Variants in SMAD5 observed in about 807,000 individuals in gnomAD.
SMAD5 encodes MAD, mothers against decapentaplegic homolog 5.
Under a neutral mutation model 43.1 loss-of-function variants are expected in SMAD5, and 9 were observed. The ratio of observed to expected loss-of-function variants is 0.21; its 90% CI spans 0.13 to 0.36. The LOEUF is 0.36. Among genes scored for constraint, SMAD5 ranks in the 10% least tolerant of loss-of-function variants. The pLI, the probability that SMAD5 is intolerant of heterozygous loss-of-function variation, is 1.00. For missense variants in SMAD5, 348 were observed against 574.0 expected (o/e 0.61, Z 4.02); for synonymous variants, 190 against 192.4 (o/e 0.99, Z 0.10).
At position 136,172,603 on chromosome 5, in the gene SMAD5, A is replaced by C. The variant is rs374065440; in HGVS notation, c.945A>C (p.Ser315=). The C allele has an allele frequency of 5.4e-5, 87 of 1,613,376 alleles. No homozygotes were observed. The African/African-American group carries it at 1.0e-3, about 19-fold the overall frequency. Residue 315 remains serine (S), a synonymous_variant, in exon 6 of 8, where the codon TCA becomes TCC. Transcript: ENST00000545279. ...NKSRFCLGLL[S]NVNRNSTIEN... ...GTAGATTCTGCTTGGGTTTGTTGTC[A>C]AATGTTAATCGTAATTCGACAATTG...
chr5:136,160,800 G>T, intron 3 of SMAD5, 56 bp from the exon 4 acceptor site: 3 of 1,578,966 alleles, frequency 1.9e-6, no homozygotes, highest in Non-Finnish European at 2.6e-6. Flanking sequence ...CCTTAGTGTG[G>T]ATGGGGCATT....
chr5:136,156,055 G>A (rs571868404), intron 3 of SMAD5, among the ~76,000 whole-genome samples: 6 of 152,276 alleles, frequency 3.9e-5, no homozygotes, highest in Middle Eastern at 3.4e-3. Context: ...TTTGCAAGGC[G>A]CTGTAATCAA....
chr5:136,163,307 G>C lies in SMAD5; in HGVS notation c.691G>C (p.Asp231His). Residue 231 changes from aspartate (D) to histidine (H), a missense_variant, in exon 5 of 8, where the codon GAT becomes CAT. Around this residue, in one of 5 missense-constraint regions of SMAD5, gnomAD observed 185 missense variants for 207.0 expected, o/e 0.89. Transcript: ENST00000545279. ...TCCTCCTGCCTATATGCCACCTGAT[G>C]ATCAGATGGGTCAAGATAATTCCCA... The part of the protein sequence containing the change: ...TPPPAYMPPD[D>H]QMGQDNSQPM... 1 of 1,608,034 alleles carries C rather than the reference G, an allele frequency of 6.2e-7. No homozygotes were observed. Among genetic ancestry groups the C allele is most frequent in the Non-Finnish European group, 8.5e-7 (1 of 1,175,298 alleles).
chr5:136,168,756 C>A (rs1754108596), intron 5 of SMAD5, among the ~76,000 whole-genome samples: 1 of 152,218 alleles, frequency 6.6e-6, no homozygotes, highest in Non-Finnish European at 1.5e-5. Context: ...AACCACTGAT[C>A]TTTTTACTGT....
intron 5 of SMAD5, among the ~76,000 whole-genome samples, chr5:136,171,246 A>G (rs981006642): frequency 1.3e-5 from 2 of 152,182 alleles, no homozygotes; most frequent in African/African-American, 2.4e-5. Context: ...TTAGTTTTTT[A>G]GTTTAACTTT....
intron 4 of SMAD5, among the ~76,000 whole-genome samples, chr5:136,161,629 G>A (rs1029802092): frequency 6.6e-6 from 1 of 152,138 alleles, no homozygotes; most frequent in Non-Finnish European, 1.5e-5. Flanking sequence ...ATGAATCCTG[G>A]TTATCTTTAG....
intron 3 of SMAD5, among the ~76,000 whole-genome samples, chr5:136,155,213 G>GT (rs1391524978): frequency 6.6e-6 from 1 of 151,754 alleles, no homozygotes; most frequent in Non-Finnish European, 1.5e-5. Flanking sequence ...TTTTTCTCTG[G>GT]TTTCCCCTAT....
At chr5:136,145,975 G>A (rs1753243970) in intron 1 of SMAD5, among the ~76,000 whole-genome samples, 1 of 151,728 alleles carries the variant, frequency 6.6e-6, no homozygotes, top group Admixed American at 6.6e-5. Context: ...TTCTTTTAGC[G>A]ACCTTTATAT....
chr5:136,153,541 G>C (rs1300056080), intron 2 of SMAD5, 51 bp from the exon 3 acceptor site: 1 of 419,448 alleles, frequency 2.4e-6, no homozygotes, highest in Non-Finnish European at 4.2e-6. Context: ...ATTTAAATTT[G>C]TATATATTGA....
chr5:136,138,356 C>T (rs1268980937), intron 1 of SMAD5, among the ~76,000 whole-genome samples: 2 of 152,202 alleles, frequency 1.3e-5, no homozygotes, highest in East Asian at 1.9e-4. Flanking sequence ...TCGGGAGCCA[C>T]AGTTGAGGAA....
At chr5:136,174,206 T>G (rs915602208) in intron 6 of SMAD5, among the ~76,000 whole-genome samples, 170 bp from the exon 7 acceptor site, 1 of 152,198 alleles carries the variant, frequency 6.6e-6, no homozygotes, top group African/African-American at 2.4e-5. Flanking sequence ...AGGCAGACAT[T>G]AACCTCTTGA....
chr5:136,145,943 C>G (rs1753243027), intron 1 of SMAD5, among the ~76,000 whole-genome samples: 1 of 151,864 alleles, frequency 6.6e-6, no homozygotes, highest in African/African-American at 2.4e-5. Context: ...TCATCCTTCT[C>G]CCCAAAGGGT....
intron 1 of SMAD5, among the ~76,000 whole-genome samples, chr5:136,138,322 G>T (rs1236021431): frequency 6.6e-6 from 1 of 152,238 alleles, no homozygotes; most frequent in Non-Finnish European, 1.5e-5. Context: ...AATCTGCTAT[G>T]AGAACTTCTT....
intron 5 of SMAD5, among the ~76,000 whole-genome samples, chr5:136,170,310 A>C (rs563067596): frequency 1.4e-4 from 21 of 152,182 alleles, no homozygotes; most frequent in African/African-American, 5.1e-4. Context: ...GTAGCTGTCC[A>C]GTTGTTTCCT....
intron 5 of SMAD5, among the ~76,000 whole-genome samples, chr5:136,172,178 G>A (rs140982952): frequency 5.3e-5 from 8 of 152,270 alleles, no homozygotes; most frequent in African/African-American, 1.7e-4. Flanking sequence ...CAGCCTTACG[G>A]TATTTTATAG....
At position 136,146,064 on chromosome 5, in the gene SMAD5, A is replaced by G. The variant is rs191164162; in HGVS notation, c.-244-1768A>G. Among the ~76,000 whole-genome samples, 3 of 151,974 alleles carry G rather than the reference A, an allele frequency of 2.0e-5. No homozygotes were observed. The East Asian group carries it at 5.8e-4, about 29-fold the overall frequency. The stretch of plus-strand genomic sequence containing the variant: ...TCAGTTGTTCTATTAATTTGTGACT[A>G]TTTAGAGTTAGTCTGGATCTGATTT... On this transcript the variant is annotated intron_variant, in intron 1 of 7. Coordinates refer to ENST00000545279, the MANE Select transcript of SMAD5 (RefSeq NM_005903.7).
At chr5:136,174,032 G>C (rs4146188) in intron 6 of SMAD5, among the ~76,000 whole-genome samples, 53,958 of 150,896 alleles carry the variant, frequency 0.36, 10,499 homozygotes, top group African/African-American at 0.53. Flanking sequence ...TAGCACTGAG[G>C]ATTTATTTGA....
intron 1 of SMAD5, among the ~76,000 whole-genome samples, chr5:136,142,302 G>A (rs1753109175): frequency 6.6e-6 from 1 of 152,136 alleles, no homozygotes; most frequent in African/African-American, 2.4e-5. Flanking sequence ...CCCGAAGAAG[G>A]GATGCTTGAG....
Position 136,172,534 on chromosome 5 carries a change from T to C in SMAD5, c.876T>C (p.Thr292=). The stretch of plus-strand genomic sequence containing the variant: ...GAGAAGCTTTTCATGCATCTTCTAC[T>C]AGTGTGTTAGTAGATGGATTCACAG... ...RVGEAFHASS[T]SVLVDGFTDP... The change falls in exon 6 of 8, where the codon ACT becomes ACC. Residue 292 remains threonine, a synonymous_variant. Coordinates refer to ENST00000545279, the MANE Select transcript of SMAD5 (RefSeq NM_005903.7). 2 of 1,610,148 alleles carry C rather than the reference T, an allele frequency of 1.2e-6. No homozygotes were observed. The highest frequency in any genetic ancestry group is 1.7e-6 in the Non-Finnish European group (2 of 1,176,438).
Sources: gnomAD v4.1 joint callset for allele counts (sites outside exome capture counted in the v4.1 genomes callset) on GRCh38, gnomAD v4.1.1 for gene constraint, gnomAD v4.1.1 regional missense constraint, MANE v1.5 for transcripts, NCBI Gene and HGNC (gene_info 2026-07-23, HGNC 2026-07-21) for gene names.